The following DNAH2 variants were observed in gnomAD, a reference collection of about 807,000 sequenced individuals.
The protein encoded by DNAH2 is axonemal beta dynein heavy chain 2.
In DNAH2, 323 loss-of-function variants were observed where a neutral mutation model predicts 523.5. The ratio of observed to expected loss-of-function variants is 0.62; its 90% CI spans 0.56 to 0.68. DNAH2 has a LOEUF of 0.68. Among genes scored for constraint, DNAH2 ranks in the 30% least tolerant of loss-of-function variants. DNAH2 has a pLI of 0.00. For missense variants in DNAH2, 4,907 were observed against 5,701.5 expected (o/e 0.86, Z 4.49); for synonymous variants, 2,093 against 2,177.4 (o/e 0.96, Z 1.08).
chr17:7,830,125 T>C (rs1249241062), intron 77 of DNAH2, among the ~76,000 whole-genome samples, 175 bp from the exon 78 acceptor site: 1 of 151,862 alleles, frequency 6.6e-6, no homozygotes, highest in Admixed American at 6.6e-5. Context: ...GCACTCAGCC[T>C]TGTGGAAGAA....
chr17:7,827,929 C>CTTTG (rs34340945), intron 77 of DNAH2, among the ~76,000 whole-genome samples: 27,236 of 151,454 alleles, frequency 0.18, 2,925 homozygotes, highest in African/African-American at 0.27. Context: ...ATACTTTAGT[C>CTTTG]TTTGTTTGTT....
intron 11 of DNAH2, among the ~76,000 whole-genome samples, chr17:7,741,412 C>A (rs1220233040): frequency 6.7e-6 from 1 of 149,572 alleles, no homozygotes; most frequent in Non-Finnish European, 1.5e-5. Context: ...GGCTGGAGTG[C>A]AATGGCTCGA....
In DNAH2 at chr17:7,817,548, T is replaced by C; in HGVS notation, c.10021-13T>C. 6.2e-7 allele frequency: 1 copy of C among 1,613,872 alleles called. No individual in the cohort carries two copies. The highest frequency in any genetic ancestry group is 8.5e-7 in the Non-Finnish European group (1 of 1,179,940). Reference sequence around the variant, plus strand: ...GCTCTTCAAGTTAAAGCATGGGGCTTTTCTCTCCCCAGATCTGGGAGCTTC... The same window carrying C: ...GCTCTTCAAGTTAAAGCATGGGGCTCTTCTCTCCCCAGATCTGGGAGCTTC... On this transcript the variant is annotated splice_polypyrimidine_tract_variant and intron_variant, in intron 65 of 85. Coordinates refer to ENST00000572933, the MANE Select transcript of DNAH2 (RefSeq NM_020877.5).
At chr17:7,752,669 C>A (rs1230587292) in intron 12 of DNAH2, among the ~76,000 whole-genome samples, 1 of 152,060 alleles carries the variant, frequency 6.6e-6, no homozygotes, top group Non-Finnish European at 1.5e-5. Context: ...GAGATTGCGC[C>A]ACTGCACTCC....
intron 32 of DNAH2, 92 bp downstream of exon 32, chr17:7,776,981 C>T (rs2151236566): frequency 1.2e-5 from 12 of 1,039,262 alleles, no homozygotes; most frequent in Middle Eastern, 2.1e-4. Context: ...CCCAGGAGTT[C>T]GAGACCAGCC....
chr17:7,754,924 C>CTG lies in DNAH2; in HGVS notation c.1905-2166_1905-2165dup. ...ACCCCGGGCTGCCGTCTGCATGGGG[C>CTG]TGGGGTCCTCCTGCGCTATTGGTAC... On this transcript the variant is annotated intron_variant, in intron 12 of 85. Coordinates refer to ENST00000572933, the MANE Select transcript of DNAH2 (RefSeq NM_020877.5). This position sits in a 1 kb window ranked among gnomAD's most constrained non-coding sequence, Gnocchi z 4.6. 1.9e-6 allele frequency: 1 copy of CTG among 518,980 alleles called. No individual in the cohort carries two copies. The highest frequency in any genetic ancestry group is 3.4e-6 in the Non-Finnish European group (1 of 291,424). The allele number at this position is 518,980 out of a possible 1,614,324, so 32.1% of individuals were successfully genotyped here.
At chr17:7,805,545 T>C (rs1205743382) in intron 61 of DNAH2, 152 bp downstream of exon 61, 4 of 1,211,242 alleles carry the variant, frequency 3.3e-6, no homozygotes, top group Non-Finnish European at 4.5e-6. Flanking sequence ...ACCGCATGAA[T>C]ATCAGTTAAG....
At position 7,786,559 on chromosome 17, in the gene DNAH2, G is replaced by T; in HGVS notation, c.6349-11G>T. The T allele has an allele frequency of 1.2e-6, 2 of 1,611,646 alleles. No homozygotes were observed. The highest frequency in any genetic ancestry group is 2.2e-5 in the South Asian group (2 of 91,002). ...ATCAGCAGCTAAAACCCCTTCCGGT[G>T]TCATTTTCAGGAGTTCCCTTTGAAC... On this transcript the variant is annotated splice_polypyrimidine_tract_variant and intron_variant, in intron 40 of 85. Coordinates refer to ENST00000572933, the MANE Select transcript of DNAH2 (RefSeq NM_020877.5). This position sits in a 1 kb window ranked among gnomAD's most constrained non-coding sequence, Gnocchi z 7.5.
chr17:7,775,880 C>A, intron 30 of DNAH2, 144 bp from the exon 31 acceptor site: 1 of 1,123,390 alleles, frequency 8.9e-7, no homozygotes, highest in Non-Finnish European at 1.2e-6. Flanking sequence ...CCATTTCTCT[C>A]AGGAACGCAA....
rs1182197348 is a variant in DNAH2 at position 7,796,442 on chromosome 17, G to A, written c.7675-22G>A. ...GCTAGAAGGCCAGCAGCCCTGGAGA[G>A]TGAGCCAGGGTCTGTTTCTAGAAGT... On this transcript the variant is annotated intron_variant, in intron 49 of 85. Coordinates refer to ENST00000572933, the MANE Select transcript of DNAH2 (RefSeq NM_020877.5). 2.5e-6 allele frequency: 4 copies of A among 1,612,706 alleles called. No individual in the cohort carries two copies. In the South Asian group the frequency reaches 3.3e-5, roughly 13 times the overall value.
chr17:7,818,741 A>G lies in DNAH2; in HGVS notation c.10635A>G (p.Lys3545=), dbSNP rs780154080. 6.2e-7 allele frequency: 1 copy of G among 1,614,006 alleles called. No homozygotes were observed. Among genetic ancestry groups the G allele is most frequent in the South Asian group, 1.1e-5 (1 of 91,074 alleles). ...TGGTCATCAACATCGCGGCTGGTAA[A>G]AGGAAGCTCAAGGAGCTGGAGGATG... ...DSLVINIAAG[K]RKLKELEDEI... is the part of the protein sequence containing the mutation. The change falls in exon 70 of 86, where the codon AAA becomes AAG. Residue 3545 remains lysine, a synonymous_variant. Transcript: ENST00000572933.
chr17:7,820,130 C>T (rs1326416474), intron 72 of DNAH2, among the ~76,000 whole-genome samples: 2 of 152,106 alleles, frequency 1.3e-5, no homozygotes, highest in African/African-American at 4.8e-5. Flanking sequence ...TTATCCTTGA[C>T]TCTTCCCTTT....
At chr17:7,801,554 C>T (rs1310817632) in intron 56 of DNAH2, 24 bp from the exon 57 acceptor site, 2 of 1,613,650 alleles carry the variant, frequency 1.2e-6, no homozygotes, top group Non-Finnish European at 1.7e-6. Flanking sequence ...ACGGAATTTA[C>T]AGCCTCTCCA....
intron 56 of DNAH2, among the ~76,000 whole-genome samples, chr17:7,799,954 T>C (rs1457345206): frequency 6.6e-6 from 1 of 152,166 alleles, no homozygotes; most frequent in Non-Finnish European, 1.5e-5. Context: ...CCGTACTCCA[T>C]ACCCATGAAA....
At chr17:7,826,178 C>G (rs2151340851) in intron 77 of DNAH2, among the ~76,000 whole-genome samples, 1 of 152,322 alleles carries the variant, frequency 6.6e-6, no homozygotes, top group East Asian at 1.9e-4. Flanking sequence ...CGCCACTACG[C>G]CCTACTAATT....
chr17:7,793,447 T>TTTTCTTTC (rs557051250), intron 48 of DNAH2, among the ~76,000 whole-genome samples: 986 of 96,392 alleles, frequency 0.01, 22 homozygotes, highest in East Asian at 0.026. Context: ...CTTTCTTTCT[T>TTTTCTTTC]TTTCTTTCTT....
In DNAH2 at chr17:7,821,858, G is replaced by A. The variant is rs768450326; in HGVS notation, c.11142+489G>A. 6.6e-6 allele frequency among the ~76,000 whole-genome samples: 1 copy of A among 152,076 alleles called. No homozygotes were observed. The highest frequency in any genetic ancestry group is 1.5e-5 in the Non-Finnish European group (1 of 68,020). On this transcript the variant is annotated intron_variant, in intron 73 of 85. Transcript: ENST00000572933. This position sits in a 1 kb window ranked among gnomAD's most constrained non-coding sequence, Gnocchi z 5.0. ...CTGGACGCGCTTTAAGTCCATGATC[G>A]TGAACCTCAAGGAGGCCCCTAAGGC... is the stretch of plus-strand genomic sequence containing the variant.
chr17:7,816,771 C>T, intron 64 of DNAH2, 36 bp downstream of exon 64: 1 of 1,603,556 alleles, frequency 6.2e-7, no homozygotes, highest in Non-Finnish European at 8.5e-7. Context: ...TCCTTTCACT[C>T]TGCTCGCCAC....
Position 7,718,001 on chromosome 17 carries a change from G to C in DNAH2, c.-813G>C, listed in dbSNP as rs1017322732. ...GGAGAAGGGGCAGTTGTGACAGCTG[G>C]GGGGGAAGAGCCATTCTGAGGGGAA... On this transcript the variant is annotated 5_prime_UTR_variant, in exon 1 of 86. Transcript: ENST00000572933. 1.3e-5 allele frequency: 2 copies of C among 151,436 alleles called. No homozygotes were observed. Among genetic ancestry groups the C allele is most frequent in the Non-Finnish European group, 2.9e-5 (2 of 67,854 alleles). The allele number at this position is 151,436 out of a possible 1,614,324, so 9.4% of individuals were successfully genotyped here.
Sources: allele counts gnomAD v4.1 joint callset (sites outside exome capture counted in the v4.1 genomes callset), GRCh38; gene constraint gnomAD v4.1.1; non-coding constraint Gnocchi (gnomAD v3.1); transcripts MANE v1.5; gene names NCBI Gene and HGNC (gene_info 2026-07-23, HGNC 2026-07-21).